Variants in SSPN observed in about 807,000 individuals in gnomAD.
SSPN encodes the protein sarcospan.
In SSPN, 15 loss-of-function variants were observed where a neutral mutation model predicts 19.1. The observed-to-expected ratio is 0.78, with a 90% CI of 0.52 to 1.21. The LOEUF (loss-of-function observed/expected upper bound fraction) is 1.21. Among genes scored for constraint, SSPN ranks in the 50% most tolerant of loss-of-function variants. SSPN has a pLI of 0.00. For missense variants in SSPN, 291 were observed against 314.0 expected, an observed-to-expected ratio of 0.93 and a Z score of 0.55; for synonymous variants, 147 against 140.3, an observed-to-expected ratio of 1.05 and a Z score of -0.34.
At chr12:26,198,146 TGC>T (rs1944846135) in intron 1 of SSPN, among the ~76,000 whole-genome samples, 1 of 150,980 alleles carries the variant, frequency 6.6e-6, no homozygotes, top group East Asian at 2.0e-4. Flanking sequence ...AGCCACTGTG[TGC>T]TGAATAACTT....
chr12:26,190,890 G>C (rs980285854), upstream of SSPN, among the ~76,000 whole-genome samples: 24 of 152,152 alleles, frequency 1.6e-4, no homozygotes, highest in Non-Finnish European at 2.2e-4. Flanking sequence ...CCATCACCCA[G>C]AAAGTCACCT....
chr12:26,151,062 C>G (rs1944522267), intron 1 of SSPN, among the ~76,000 whole-genome samples: 1 of 151,942 alleles, frequency 6.6e-6, no homozygotes, highest in Non-Finnish European at 1.5e-5. Flanking sequence ...ACTGGAATGG[C>G]ACATTTTGGT....
chr12:26,216,336 AT>A (rs1314020648), intron 1 of SSPN, among the ~76,000 whole-genome samples: 22 of 152,110 alleles, frequency 1.4e-4, no homozygotes, highest in African/African-American at 4.3e-4. Flanking sequence ...GATGATGAGC[AT>A]TTTTTCATGT....
intron 1 of SSPN, among the ~76,000 whole-genome samples, chr12:26,198,316 G>A (rs1435021804): frequency 5.3e-5 from 8 of 152,142 alleles, no homozygotes; most frequent in African/African-American, 1.4e-4. Flanking sequence ...GGCGTGCACC[G>A]CCACACCTAA....
In SSPN at chr12:26,232,700, G is replaced by A; in HGVS notation, c.*1624G>A. The stretch of plus-strand genomic sequence containing the variant: ...AAAGCGTTAAGTCGGTAAGCTAGAG[G>A]ATTGTAAATATCTTTTATGTCCTCT... On this transcript the variant is annotated 3_prime_UTR_variant, in exon 3 of 3. Transcript: ENST00000242729. 1 of 984,862 alleles carries A rather than the reference G, an allele frequency of 1.0e-6. No individual in the cohort carries two copies. The highest frequency in any genetic ancestry group is 1.2e-6 in the Non-Finnish European group (1 of 829,562). The allele number at this position is 984,862 out of a possible 1,614,324, so 61.0% of individuals were successfully genotyped here.
At chr12:26,137,322 A>G (rs1944431355) in intron 1 of SSPN, among the ~76,000 whole-genome samples, 3 of 152,180 alleles carry the variant, frequency 2.0e-5, no homozygotes, top group Admixed American at 2.0e-4. Context: ...AACCCAGACA[A>G]AAATTCAGCA....
intron 1 of SSPN, among the ~76,000 whole-genome samples, chr12:26,176,313 G>C (rs1253923055): frequency 6.6e-6 from 1 of 152,166 alleles, no homozygotes; most frequent in Non-Finnish European, 1.5e-5. Flanking sequence ...ATAATCATCA[G>C]ATTGCCATAG....
chr12:26,212,876 A>G (rs912439750), intron 1 of SSPN, among the ~76,000 whole-genome samples: 2 of 152,022 alleles, frequency 1.3e-5, no homozygotes, highest in African/African-American at 4.8e-5. Flanking sequence ...TTTCAAGGTT[A>G]TAATTAGTGC....
At chr12:26,167,219 A>T (rs185638272) in intron 1 of SSPN, among the ~76,000 whole-genome samples, 22 of 152,322 alleles carry the variant, frequency 1.4e-4, no homozygotes, top group Non-Finnish European at 2.9e-4. Context: ...GAGGTTTTTT[A>T]AAAAAGCCTA....
intron 1 of SSPN, among the ~76,000 whole-genome samples, chr12:26,147,259 T>C (rs924975044): frequency 1.0e-5 from 1 of 97,720 alleles, no homozygotes; most frequent in Admixed American, 1.2e-4. Context: ...AAAACGATAA[T>C]TTTTGGGGTT....
intron 1 of SSPN, among the ~76,000 whole-genome samples, chr12:26,187,508 G>A (rs1944761316): frequency 6.6e-6 from 1 of 152,224 alleles, no homozygotes; most frequent in African/African-American, 2.4e-5. Flanking sequence ...GAAATCCAGT[G>A]TGAATTTCCT....
rs916705276 is a variant in SSPN, at chr12:26,233,331, G to T, written c.*2255G>T. 2.1e-5 allele frequency: 3 copies of T among 144,754 alleles called. No homozygotes were observed. The highest frequency in any genetic ancestry group is 8.2e-5 in the African/African-American group (3 of 36,690). The allele number at this position is 144,754 out of a possible 1,614,324, so 9.0% of individuals were successfully genotyped here. A position where few individuals can be genotyped will look rare whatever the true frequency, so the allele number is the denominator to read the frequency against. On this transcript the variant is annotated 3_prime_UTR_variant, in exon 3 of 3. Coordinates refer to ENST00000242729, the MANE Select transcript of SSPN (RefSeq NM_005086.5). This position sits in a 1 kb window ranked among gnomAD's most constrained non-coding sequence, Gnocchi z 4.3. ...CTTTATAATAGTATAACCGTCAGGA[G>T]ATATATATATATATATATACACATA... is the stretch of plus-strand genomic sequence containing the variant.
chr12:26,196,081 G>C, intron 1 of SSPN, 130 bp downstream of exon 1: 1 of 778,862 alleles, frequency 1.3e-6, no homozygotes, highest in Non-Finnish European at 1.9e-6. Context: ...CGCTCTGCTC[G>C]GTGACTGATG....
intron 1 of SSPN, among the ~76,000 whole-genome samples, chr12:26,165,561 C>T (rs1444909319): frequency 6.6e-6 from 1 of 152,216 alleles, no homozygotes; most frequent in East Asian, 1.9e-4. Flanking sequence ...TTGTGCCTCA[C>T]ACAGTGGCAT....
intron 1 of SSPN, among the ~76,000 whole-genome samples, chr12:26,127,586 C>T (rs1944373910): frequency 6.6e-6 from 1 of 152,054 alleles, no homozygotes; most frequent in African/African-American, 2.4e-5. Context: ...TCTTTTCTGT[C>T]TTTCCTTTAC....
At chr12:26,161,727 A>G (rs1330857104) in intron 1 of SSPN, among the ~76,000 whole-genome samples, 2 of 152,152 alleles carry the variant, frequency 1.3e-5, no homozygotes, top group Non-Finnish European at 2.9e-5. Flanking sequence ...TTCCAAAGAC[A>G]TGGTGTGGGG....
intron 1 of SSPN, among the ~76,000 whole-genome samples, chr12:26,178,301 A>T (rs1283328777): frequency 6.6e-6 from 1 of 152,126 alleles, no homozygotes; most frequent in East Asian, 1.9e-4. Flanking sequence ...TTGAATGGAG[A>T]TTATAATAGT....
intron 1 of SSPN, among the ~76,000 whole-genome samples, chr12:26,159,243 G>T (rs1299867174): frequency 2.6e-5 from 4 of 152,240 alleles, no homozygotes; most frequent in Non-Finnish European, 4.4e-5. Context: ...CAGAAGAAGG[G>T]GTCATCTAAG....
At chr12:26,155,721 G>A (rs1485885779) in intron 1 of SSPN, among the ~76,000 whole-genome samples, 1 of 152,112 alleles carries the variant, frequency 6.6e-6, no homozygotes, top group African/African-American at 2.4e-5. Context: ...GAATCAGGGG[G>A]ACAAAAAATA....
Sources: allele counts gnomAD v4.1 joint callset (sites outside exome capture counted in the v4.1 genomes callset), GRCh38; gene constraint gnomAD v4.1.1; non-coding constraint Gnocchi (gnomAD v3.1); transcripts MANE v1.5; gene names NCBI Gene and HGNC (gene_info 2026-07-23, HGNC 2026-07-21).